The following ZFHX4 variants were observed in gnomAD, a reference collection of about 807,000 sequenced individuals.
The protein encoded by ZFHX4 is zinc finger homeobox protein 4.
Under a neutral mutation model 267.6 loss-of-function variants are expected in ZFHX4, and 56 were observed. The ratio of observed to expected loss-of-function variants is 0.21; its 90% confidence interval spans 0.17 to 0.26. The LOEUF is 0.26. ZFHX4 is among the 10% of genes least tolerant of loss of function. The probability of loss-of-function intolerance (pLI) is 1.00; values close to 1 mark genes in which losing one functional copy is unlikely to be tolerated. For missense variants in ZFHX4, 4,332 were observed against 4,420.0 expected (o/e 0.98, Z 0.56); for synonymous variants, 1,778 against 1,665.6 (o/e 1.07, Z -1.64).
chr8:76,682,279 C>T (rs576588918), intron 1 of ZFHX4, among the ~76,000 whole-genome samples: 1 of 152,352 alleles, frequency 6.6e-6, no homozygotes, highest in African/African-American at 2.4e-5. Context: ...TTTCTTCCTC[C>T]TTTTACCACC....
chr8:76,841,585 A>C (rs1812233960), intron 5 of ZFHX4, among the ~76,000 whole-genome samples: 1 of 152,176 alleles, frequency 6.6e-6, no homozygotes, highest in South Asian at 2.1e-4. Context: ...GTGTATGCAA[A>C]TGTGTGTCGG....
chr8:76,823,612 G>T (rs1032979096), intron 4 of ZFHX4, among the ~76,000 whole-genome samples: 2 of 152,068 alleles, frequency 1.3e-5, no homozygotes, highest in African/African-American at 2.4e-5. Context: ...GTATAATTTG[G>T]TGTATATAAC....
Position 76,849,074 on chromosome 8 carries a change from T to C in ZFHX4, c.3591T>C (p.Asp1197=), listed in dbSNP as rs1313738149. ...TQPLLLAKEE[D]VATKRSKPTE... ...CACTCCTGCTGGCAAAAGAAGAGGA[T>C]GTTGCAACAAAAAGGTCAAAACCTA... is the stretch of plus-strand genomic sequence containing the variant. Residue 1197 remains aspartate, a synonymous_variant, in exon 7 of 11, where the codon GAT becomes GAC. Coordinates refer to ENST00000651372, the MANE Select transcript of ZFHX4 (RefSeq NM_024721.5). The C allele has an allele frequency of 6.4e-7, 1 of 1,569,838 alleles. No homozygotes were observed.
chr8:76,709,333 G>A (rs540737937), intron 3 of ZFHX4, among the ~76,000 whole-genome samples: 6 of 152,242 alleles, frequency 3.9e-5, no homozygotes, highest in Middle Eastern at 3.4e-3. Context: ...TTTGGGTTAC[G>A]TTACAGAGTT....
intron 4 of ZFHX4, among the ~76,000 whole-genome samples, chr8:76,781,194 T>A (rs536505662): frequency 1.2e-3 from 177 of 152,236 alleles, no homozygotes; most frequent in Non-Finnish European, 1.8e-3. Flanking sequence ...TGGTTTTTGT[T>A]GTTTTATTTT....
chr8:76,769,326 TTC>T (rs1810196299), intron 3 of ZFHX4, among the ~76,000 whole-genome samples: 1 of 151,980 alleles, frequency 6.6e-6, no homozygotes, highest in Non-Finnish European at 1.5e-5. Flanking sequence ...TTAAATTGTT[TTC>T]TCTTTCTTTC....
chr8:76,787,126 A>T (rs2131797062), intron 4 of ZFHX4, among the ~76,000 whole-genome samples: 1 of 152,310 alleles, frequency 6.6e-6, no homozygotes, highest in Non-Finnish European at 1.5e-5. Context: ...AAACAATTTT[A>T]TATTGTTTCA....
In ZFHX4 at chr8:76,705,755, G is replaced by T. The variant is rs761421468; in HGVS notation, c.1667G>T (p.Gly556Val). 8 of 1,613,892 alleles carry T rather than the reference G, an allele frequency of 5.0e-6. No individual in the cohort carries two copies. The highest frequency in any genetic ancestry group is 3.3e-5 in the South Asian group (3 of 91,092). The part of the protein sequence containing the change: ...GSVASNYGIS[G>V]KDFADASASK... Reference sequence around the variant, plus strand: ...GTTGCTAGTAACTATGGCATCAGTGGCAAGGACTTTGCAGACGCAAGTGCC... The same window carrying T: ...GTTGCTAGTAACTATGGCATCAGTGTCAAGGACTTTGCAGACGCAAGTGCC... The change falls in exon 2 of 11, where the codon GGC (glycine) becomes GTC (valine). Residue 556 changes from glycine (G) to valine (V), a missense_variant. Gly to Val is a moderately radical substitution (Grantham distance 109). Transcript: ENST00000651372.
At chr8:76,793,566 A>G (rs1810894997) in intron 4 of ZFHX4, among the ~76,000 whole-genome samples, 1 of 152,174 alleles carries the variant, frequency 6.6e-6, no homozygotes, top group Non-Finnish European at 1.5e-5. Flanking sequence ...CCAGCAGATG[A>G]ATTTGGGGAT....
At chr8:76,820,737 A>T (rs1389294975) in intron 4 of ZFHX4, among the ~76,000 whole-genome samples, 1 of 152,086 alleles carries the variant, frequency 6.6e-6, no homozygotes, top group Non-Finnish European at 1.5e-5. Flanking sequence ...TTCCATAGGG[A>T]TTTTCATCTT....
At chr8:76,713,165 A>G (rs796562411) in intron 3 of ZFHX4, among the ~76,000 whole-genome samples, 4 of 152,274 alleles carry the variant, frequency 2.6e-5, no homozygotes, top group African/African-American at 9.6e-5. Flanking sequence ...GGACTTTCTC[A>G]CTGCATTCAC....
rs571816250 is a variant in ZFHX4 at position 76,738,421 on chromosome 8, G to A, written c.3093+30373G>A. On this transcript the variant is annotated intron_variant, in intron 3 of 10. Transcript: ENST00000651372. ...TGTAGCAAGTTCAGGTTGCCTAAGT[G>A]GAACAAAAGTGATGGCATCTCCATA... Among the ~76,000 whole-genome samples, 3 of 152,214 alleles carry A rather than the reference G, an allele frequency of 2.0e-5. No homozygotes were observed. In the South Asian group the frequency reaches 6.2e-4, roughly 32 times the overall value.
rs567363258 is a variant in ZFHX4, at chr8:76,713,526, T to C, written c.3093+5478T>C. ...TGTCTTTTCTTAACCAACGCCACCG[T>C]CTGCCTACACATCAGGAAAATACTC... On this transcript the variant is annotated intron_variant, in intron 3 of 10. Transcript: ENST00000651372. Among the ~76,000 whole-genome samples the C allele has an allele frequency of 5.3e-5, 8 of 152,098 alleles. No individual in the cohort carries two copies. The South Asian group carries it at 8.3e-4, about 16-fold the overall frequency.
chr8:76,803,856 A>G (rs1344858059), intron 4 of ZFHX4, among the ~76,000 whole-genome samples: 2 of 152,154 alleles, frequency 1.3e-5, no homozygotes, highest in African/African-American at 4.8e-5. Flanking sequence ...AGTATATATC[A>G]TTTGCCTGAA....
intron 3 of ZFHX4, among the ~76,000 whole-genome samples, chr8:76,738,233 C>G (rs1297278454): frequency 6.6e-6 from 1 of 152,038 alleles, no homozygotes; most frequent in African/African-American, 2.4e-5. Flanking sequence ...CCCTAGGTGC[C>G]CCCATTAAGA....
rs149988128 is a variant in ZFHX4 at position 76,806,351 on chromosome 8, TAG to T, written c.3326-26985_3326-26984del. ...AGATCTGACCAGTGGACTATGGGTG[TAG>T]ACTCAGTGTCATTCTTACTAAAGTA... On this transcript the variant is annotated intron_variant, in intron 4 of 10. Transcript: ENST00000651372. Among the ~76,000 whole-genome samples the T allele has an allele frequency of 6.7e-3, 1,026 of 152,242 alleles. 9 individuals are homozygous for T. The highest frequency in any genetic ancestry group is 0.011 in the Non-Finnish European group (724 of 68,012).
chr8:76,754,139 T>C (rs1448128628), intron 3 of ZFHX4, among the ~76,000 whole-genome samples: 2 of 152,150 alleles, frequency 1.3e-5, no homozygotes, highest in East Asian at 1.9e-4. Flanking sequence ...TAGGAACATA[T>C]TTGTTTACGT....
chr8:76,803,053 T>C (rs1458519363), intron 4 of ZFHX4, among the ~76,000 whole-genome samples: 1 of 152,200 alleles, frequency 6.6e-6, no homozygotes, highest in Non-Finnish European at 1.5e-5. Context: ...TGATATTTTC[T>C]ATGATAGCCC....
chr8:76,763,495 G>A lies in ZFHX4; in HGVS notation c.3094-14713G>A, dbSNP rs117106858. 9.7e-3 allele frequency among the ~76,000 whole-genome samples: 1,475 copies of A among 151,962 alleles called. 17 individuals carry two copies. Among genetic ancestry groups the A allele is most frequent in the Non-Finnish European group, 0.014 (974 of 67,936 alleles). The stretch of plus-strand genomic sequence containing the variant: ...AAAATTAGCTGGGCATGATGGCATG[G>A]ACCTGTGGTCCCAGCTACTCAGGTG... On this transcript the variant is annotated intron_variant, in intron 3 of 10. Transcript: ENST00000651372.
Sources: gnomAD v4.1 joint callset for allele counts (sites outside exome capture counted in the v4.1 genomes callset) on GRCh38, gnomAD v4.1.1 for gene constraint, MANE v1.5 for transcripts, NCBI Gene and HGNC (gene_info 2026-07-23, HGNC 2026-07-21) for gene names.